Variants in HMGB1 observed in about 807,000 individuals in gnomAD.
The protein encoded by HMGB1 is high mobility group protein B1.
For missense variants in HMGB1, 79 were observed against 253.5 expected, an observed-to-expected ratio of 0.31 and a Z score of 4.67; for synonymous variants, 81 against 84.0, an observed-to-expected ratio of 0.96 and a Z score of 0.19.
At chr13:30,553,346 C>T (rs1032207344) in intron 1 of HMGB1, among the ~76,000 whole-genome samples, 3 of 152,142 alleles carry the variant, frequency 2.0e-5, no homozygotes, top group South Asian at 2.1e-4. Context: ...AATGTGGTAA[C>T]GTAAAAGACT....
At chr13:30,493,050 G>T (rs1450209062) in intron 1 of HMGB1, among the ~76,000 whole-genome samples, 1 of 149,778 alleles carries the variant, frequency 6.7e-6, no homozygotes, top group African/African-American at 2.5e-5. Flanking sequence ...CAACCTCGTC[G>T]TTCTGCCTCT....
intron 1 of HMGB1, among the ~76,000 whole-genome samples, chr13:30,588,012 C>A (rs1477342144): frequency 6.6e-6 from 1 of 152,168 alleles, no homozygotes; most frequent in Non-Finnish European, 1.5e-5. Flanking sequence ...ATGAGCCAAA[C>A]AAATTCCTAC....
upstream of HMGB1, among the ~76,000 whole-genome samples, chr13:30,466,652 T>C: frequency 6.6e-6 from 1 of 152,218 alleles, no homozygotes; most frequent in South Asian, 2.1e-4. Flanking sequence ...TTTTCTTGGT[T>C]TGATCGAGTT....
chr13:30,584,022 A>G (rs1871035123), intron 1 of HMGB1, among the ~76,000 whole-genome samples: 1 of 151,922 alleles, frequency 6.6e-6, no homozygotes, highest in Non-Finnish European at 1.5e-5. Flanking sequence ...AAAAGAAAAG[A>G]ATGAATGAAT....
chr13:30,549,615 G>C (rs1869328896), intron 1 of HMGB1, among the ~76,000 whole-genome samples: 2 of 151,976 alleles, frequency 1.3e-5, no homozygotes, highest in Admixed American at 6.6e-5. Flanking sequence ...GGCTAGTCTT[G>C]AACTCCTGGC....
chr13:30,607,013 CTTCTT>C (rs71802961), intron 1 of HMGB1, among the ~76,000 whole-genome samples: 4,516 of 152,286 alleles, frequency 0.03, 242 homozygotes, highest in African/African-American at 0.1. Flanking sequence ...ACTTATTGAA[CTTCTT>C]TTAAGCTTTG....
intron 1 of HMGB1, among the ~76,000 whole-genome samples, chr13:30,570,741 A>AAAAGCTATTATT (rs1317141624): frequency 6.6e-6 from 1 of 152,216 alleles, no homozygotes; most frequent in East Asian, 1.9e-4. Flanking sequence ...CCTGGTTATT[A>AAAAGCTATTATT]AAAGCTATTA....
rs371788534 is a variant in HMGB1 at position 30,546,139 on chromosome 13, C to T, written c.-15+70532G>A. Among the ~76,000 whole-genome samples the T allele has an allele frequency of 1.1e-4, 17 of 152,126 alleles. No individual in the cohort carries two copies. In the East Asian group the frequency reaches 1.9e-3, roughly 17 times the overall value. ...CACGTTTTGTTTGTTTGTTTTGAGACGGAGTCTTGCTCTGTTGCCAGGCTG... is the reference window on the plus strand; with the variant it reads ...CACGTTTTGTTTGTTTGTTTTGAGATGGAGTCTTGCTCTGTTGCCAGGCTG... On this transcript the variant is annotated intron_variant, in intron 1 of 4. Coordinates refer to the HMGB1 transcript ENST00000405805.
chr13:30,602,713 T>C (rs1950415025), intron 1 of HMGB1, among the ~76,000 whole-genome samples: 1 of 152,244 alleles, frequency 6.6e-6, no homozygotes. Flanking sequence ...TTAGAACTCT[T>C]GCCCTTGCTT....
In HMGB1 at chr13:30,559,458, T is replaced by TATCA. The variant is rs1157865763; in HGVS notation, c.-15+57212_-15+57213insTGAT. Among the ~76,000 whole-genome samples the TATCA allele has an allele frequency of 6.6e-6, 1 of 152,218 alleles. No homozygotes were observed. Among genetic ancestry groups the TATCA allele is most frequent in the Non-Finnish European group, 1.5e-5 (1 of 68,046 alleles). On this transcript the variant is annotated intron_variant, in intron 1 of 4. Transcript: ENST00000405805. The surrounding 1 kb of genome is among the most constrained non-coding windows in gnomAD (Gnocchi z 6.6). ...ATAACCTGTCAAAAGAATGAAGTGA[T>TATCA]GGAAGCCAGACTCAAACCAACTGTG...
intron 1 of HMGB1, among the ~76,000 whole-genome samples, chr13:30,520,046 G>A (rs965341025): frequency 1.3e-5 from 2 of 152,188 alleles, no homozygotes; most frequent in African/African-American, 4.8e-5. Flanking sequence ...TCTTGGCCAG[G>A]CACAGTGGCT....
At chr13:30,473,353 AC>A (rs1007273707) in intron 1 of HMGB1, among the ~76,000 whole-genome samples, 1 of 152,156 alleles carries the variant, frequency 6.6e-6, no homozygotes, top group Admixed American at 6.5e-5. Flanking sequence ...AAAATATCAG[AC>A]CTTTCCTTAA....
chr13:30,497,598 C>T (rs971781737), intron 1 of HMGB1, among the ~76,000 whole-genome samples: 1 of 152,098 alleles, frequency 6.6e-6, no homozygotes, highest in Non-Finnish European at 1.5e-5. Flanking sequence ...GATCCTCACC[C>T]TCCTCTCAGC....
At chr13:30,473,407 A>C (rs1886994503) in intron 1 of HMGB1, among the ~76,000 whole-genome samples, 2 of 152,340 alleles carry the variant, frequency 1.3e-5, no homozygotes, top group South Asian at 4.1e-4. Context: ...ACACATGACG[A>C]GTGGAAAACG....
intron 1 of HMGB1, among the ~76,000 whole-genome samples, chr13:30,518,599 A>G (rs751896393): frequency 2.6e-5 from 4 of 152,160 alleles, no homozygotes; most frequent in Admixed American, 6.6e-5. Context: ...TACCTTCTAC[A>G]TATTATTATT....
rs1475749388 is a variant in HMGB1, at chr13:30,465,845, C to T, written c.-64G>A. 5 of 985,496 alleles carry T rather than the reference C, an allele frequency of 5.1e-6. No homozygotes were observed. The highest frequency in any genetic ancestry group is 4.7e-5 in the South Asian group (1 of 21,294). The allele number at this position is 985,496 out of a possible 1,614,324, so 61.0% of individuals were successfully genotyped here. On this transcript the variant is annotated 5_prime_UTR_variant, in exon 1 of 5. Transcript: ENST00000341423. Reference sequence around the variant, plus strand: ...AGTGCCCGTCCGGCTCTCACTTGCCCCGGTGCTGTCTCTATGGAGCTCAAT... The same window carrying T: ...AGTGCCCGTCCGGCTCTCACTTGCCTCGGTGCTGTCTCTATGGAGCTCAAT...
intron 1 of HMGB1, among the ~76,000 whole-genome samples, chr13:30,474,550 G>A (rs183628572): frequency 2.0e-5 from 3 of 152,272 alleles, no homozygotes; most frequent in Admixed American, 2.0e-4. Flanking sequence ...GCGTAAACTG[G>A]CCCCTCTCTG....
intron 1 of HMGB1, among the ~76,000 whole-genome samples, chr13:30,496,339 T>C (rs879682218): frequency 7.9e-5 from 12 of 152,206 alleles, no homozygotes; most frequent in Non-Finnish European, 1.3e-4. Context: ...AGTAAACAAC[T>C]GCGTTTCCAA....
At chr13:30,573,278 T>G (rs967377825) in intron 1 of HMGB1, among the ~76,000 whole-genome samples, 1 of 152,156 alleles carries the variant, frequency 6.6e-6, no homozygotes, top group East Asian at 1.9e-4. Flanking sequence ...AAGGACAAAT[T>G]GACAGAAACA....
Sources: gnomAD v4.1 joint callset for allele counts (sites outside exome capture counted in the v4.1 genomes callset) on GRCh38, gnomAD v4.1.1 for gene constraint, Gnocchi (gnomAD v3.1) non-coding constraint, MANE v1.5 for transcripts, NCBI Gene and HGNC (gene_info 2026-07-23, HGNC 2026-07-21) for gene names.